The following STK3 variants were observed in gnomAD, a reference collection of about 807,000 sequenced individuals.
The protein encoded by STK3 is serine/threonine kinase 3.
A neutral mutation model predicts 58.0 loss-of-function variants in STK3; 41 were observed. The observed-to-expected ratio is 0.71, with a 90% confidence interval of 0.55 to 0.92. The LOEUF (loss-of-function observed/expected upper bound fraction) is 0.92. Ranked by LOEUF, STK3 falls within the 40% of genes least tolerant of loss-of-function variation. The pLI, the probability that STK3 is intolerant of heterozygous loss-of-function variation, is 0.00. For synonymous variants in STK3, 170 were observed against 191.0 expected, an observed-to-expected ratio of 0.89 and a Z score of 0.91; for missense variants, 479 against 602.7, an observed-to-expected ratio of 0.79 and a Z score of 2.15.
chr8:98,803,502 G>C (rs4735581), intron 1 of STK3, among the ~76,000 whole-genome samples: 1 of 148,798 alleles, frequency 6.7e-6, no homozygotes, highest in Admixed American at 6.8e-5. Flanking sequence ...GCTAAGGTAG[G>C]AGAATGACAT....
At chr8:98,399,905 A>G (rs1243398056), downstream of STK3, among the ~76,000 whole-genome samples, 1 of 152,224 alleles carries the variant, frequency 6.6e-6, no homozygotes, top group Admixed American at 6.5e-5. Context: ...GCCCAGAAAT[A>G]AAACAGAGTT....
chr8:98,397,949 G>A (rs1366237937), downstream of STK3, among the ~76,000 whole-genome samples: 4 of 152,296 alleles, frequency 2.6e-5, no homozygotes, highest in East Asian at 7.7e-4. Flanking sequence ...CTGTGGAACT[G>A]TGAGTCAATT....
chr8:98,773,779 TTTTA>T (rs56774049), intron 2 of STK3, among the ~76,000 whole-genome samples: 10 of 150,956 alleles, frequency 6.6e-5, no homozygotes, highest in East Asian at 1.9e-4. Flanking sequence ...TATTTTTATT[TTTTA>T]TTTATTTATT....
chr8:98,482,835 A>G (rs1228499837), intron 10 of STK3, among the ~76,000 whole-genome samples: 1 of 152,152 alleles, frequency 6.6e-6, no homozygotes, highest in Non-Finnish European at 1.5e-5. Context: ...CAAGCATTAC[A>G]AATAGGTATT....
At chr8:98,801,418 T>G (rs1314162899) in intron 1 of STK3, among the ~76,000 whole-genome samples, 1 of 152,136 alleles carries the variant, frequency 6.6e-6, no homozygotes. Flanking sequence ...TTTCGCTCTT[T>G]GCAATAAATG....
chr8:98,710,335 G>A (rs1276645826), intron 4 of STK3, among the ~76,000 whole-genome samples: 2 of 152,208 alleles, frequency 1.3e-5, no homozygotes, highest in African/African-American at 4.8e-5. Context: ...AGCTGAAGCA[G>A]GGCGGGGCAT....
At chr8:98,511,010 T>C (rs1824472207) in intron 10 of STK3, among the ~76,000 whole-genome samples, 1 of 152,078 alleles carries the variant, frequency 6.6e-6, no homozygotes, top group Non-Finnish European at 1.5e-5. Flanking sequence ...TGTGTTATTC[T>C]AGAAAAAAAT....
intron 6 of STK3, among the ~76,000 whole-genome samples, chr8:98,668,691 TTTACAGTTAGTTTAAAATAATC>T (rs1822550925): frequency 6.6e-6 from 1 of 152,158 alleles, no homozygotes; most frequent in Admixed American, 6.5e-5. Flanking sequence ...TAAAACTTCC[TTTACAGTTAGTTTAAAATAATC>T]TCACTTGCAT....
At chr8:98,348,102 C>T in the STK3 span, among the ~76,000 whole-genome samples, 1 of 152,250 alleles carries the variant, frequency 6.6e-6, no homozygotes, top group South Asian at 2.1e-4. Context: ...TAAATAGACC[C>T]TCATGAATAT....
chr8:98,349,984 T>C, the STK3 span, among the ~76,000 whole-genome samples: 1 of 152,156 alleles, frequency 6.6e-6, no homozygotes, highest in Admixed American at 6.5e-5. Flanking sequence ...TTTGATTCCA[T>C]GTTACTTATG....
At chr8:98,858,828 GT>G (rs1325618130) in intron 3 of STK3, among the ~76,000 whole-genome samples, 1 of 150,998 alleles carries the variant, frequency 6.6e-6, no homozygotes, top group Non-Finnish European at 1.5e-5. Flanking sequence ...GGAAGCGGAG[GT>G]TGCAGTGAGC....
intron 3 of STK3, among the ~76,000 whole-genome samples, chr8:98,754,892 T>G (rs1051220478): frequency 6.6e-6 from 1 of 152,206 alleles, no homozygotes; most frequent in African/African-American, 2.4e-5. Flanking sequence ...TTATGTTCAC[T>G]GAAAAGCATA....
chr8:98,612,509 G>A (rs1219340331), intron 6 of STK3, among the ~76,000 whole-genome samples: 6 of 150,834 alleles, frequency 4.0e-5, no homozygotes, highest in Non-Finnish European at 8.9e-5. Context: ...GAAAGATGGA[G>A]AGAAGGCAGA....
chr8:98,713,498 C>T (rs971225318), intron 4 of STK3, among the ~76,000 whole-genome samples: 1 of 152,146 alleles, frequency 6.6e-6, no homozygotes, highest in Non-Finnish European at 1.5e-5. Context: ...ACTATAAACA[C>T]CTCTACGCAA....
the STK3 span, among the ~76,000 whole-genome samples, chr8:98,357,047 C>T: frequency 2.6e-5 from 4 of 152,112 alleles, no homozygotes; most frequent in Non-Finnish European, 5.9e-5. Flanking sequence ...GTGCACGTAG[C>T]CTGTCTGCCC....
At chr8:98,631,751 G>A (rs1210448824) in intron 6 of STK3, among the ~76,000 whole-genome samples, 1 of 152,080 alleles carries the variant, frequency 6.6e-6, no homozygotes, top group African/African-American at 2.4e-5. Context: ...TGCAACCTCC[G>A]CCTCCTGGGT....
chr8:98,706,067 A>AC (rs1197587120), intron 6 of STK3, among the ~76,000 whole-genome samples: 4 of 152,108 alleles, frequency 2.6e-5, no homozygotes, highest in African/African-American at 9.7e-5. Flanking sequence ...GAAAAAAAAA[A>AC]ACACACAGTA....
intron 7 of STK3, among the ~76,000 whole-genome samples, chr8:98,583,877 G>C (rs1814173808): frequency 6.6e-6 from 1 of 151,268 alleles, no homozygotes; most frequent in Non-Finnish European, 1.5e-5. Flanking sequence ...GTGTGTGTAA[G>C]AGAGACAGAG....
the STK3 span, among the ~76,000 whole-genome samples, chr8:98,344,315 ATCCT>A: frequency 6.6e-6 from 1 of 152,242 alleles, no homozygotes; most frequent in Admixed American, 6.5e-5. Flanking sequence ...CTCACCTGGA[ATCCT>A]TCCATCCTTG....
Sources: gnomAD v4.1 joint callset for allele counts (sites outside exome capture counted in the v4.1 genomes callset) on GRCh38, gnomAD v4.1.1 for gene constraint, MANE v1.5 for transcripts, NCBI Gene and HGNC (gene_info 2026-07-23, HGNC 2026-07-21) for gene names.